Variants in FHIT observed in about 807,000 individuals in gnomAD.
The protein encoded by FHIT is fragile histidine triad diadenosine triphosphatase.
A neutral mutation model predicts 17.9 loss-of-function variants in FHIT; 19 were observed. The observed-to-expected ratio is 1.06, with a 90% CI of 0.74 to 1.56. The LOEUF (loss-of-function observed/expected upper bound fraction) is 1.56, where lower values mean the gene tolerates loss of function less well. FHIT is among the 40% of genes most tolerant of loss of function. The probability of loss-of-function intolerance (pLI) is 0.00; values close to 1 mark genes in which losing one functional copy is unlikely to be tolerated. For missense variants in FHIT, 248 were observed against 189.2 expected (o/e 1.31, Z -1.82); for synonymous variants, 81 against 69.7 (o/e 1.16, Z -0.81).
chr3:59,934,994 T>A (rs1706162542), intron 7 of FHIT, among the ~76,000 whole-genome samples: 1 of 152,090 alleles, frequency 6.6e-6, no homozygotes, highest in African/African-American at 2.4e-5. Flanking sequence ...CCAACAGCTA[T>A]AAAACCAGGA....
At chr3:60,524,197 GACACACACACACAC>G (rs56975783) in intron 5 of FHIT, among the ~76,000 whole-genome samples, 19,546 of 144,962 alleles carry the variant, frequency 0.13, 1,560 homozygotes, top group East Asian at 0.26. Flanking sequence ...GTCAGCCTGA[GACACACACACACAC>G]ACACACACAC....
At chr3:60,976,828 T>C (rs1710276479) in intron 3 of FHIT, among the ~76,000 whole-genome samples, 1 of 152,128 alleles carries the variant, frequency 6.6e-6, no homozygotes, top group African/African-American at 2.4e-5. Flanking sequence ...AGCAAAGAAA[T>C]GTTTCCTCTC....
intron 5 of FHIT, among the ~76,000 whole-genome samples, chr3:60,058,216 C>T (rs9843548): frequency 0.054 from 7,606 of 142,088 alleles, 349 homozygotes; most frequent in African/African-American, 0.13. Flanking sequence ...TCGATCTCGG[C>T]TCACTGCAAT....
chr3:60,118,983 T>C (rs1159472609), intron 5 of FHIT, among the ~76,000 whole-genome samples: 2 of 150,936 alleles, frequency 1.3e-5, no homozygotes, highest in African/African-American at 4.9e-5. Flanking sequence ...ATGCTGCCAC[T>C]GCACTCCAGC....
chr3:60,901,630 G>C (rs1575664523), intron 3 of FHIT, among the ~76,000 whole-genome samples: 1 of 152,306 alleles, frequency 6.6e-6, no homozygotes, highest in East Asian at 1.9e-4. Flanking sequence ...CCAAGTAGCA[G>C]TAACAACTAA....
intron 3 of FHIT, among the ~76,000 whole-genome samples, chr3:60,877,050 T>G (rs1704697906): frequency 6.6e-6 from 1 of 152,084 alleles, no homozygotes; most frequent in Admixed American, 6.6e-5. Flanking sequence ...ACTACTGGAG[T>G]CCTTGTAGTC....
intron 4 of FHIT, among the ~76,000 whole-genome samples, chr3:60,547,696 A>G (rs900553026): frequency 3.3e-5 from 5 of 152,202 alleles, no homozygotes; most frequent in Admixed American, 6.5e-5. Context: ...AGCTGGTAGC[A>G]TAACACTTTT....
intron 5 of FHIT, among the ~76,000 whole-genome samples, chr3:60,354,449 A>G (rs1699557892): frequency 6.6e-6 from 1 of 152,150 alleles, no homozygotes; most frequent in Non-Finnish European, 1.5e-5. Flanking sequence ...AGGTTCTGAT[A>G]TAAGATGATT....
At chr3:59,842,899 AAT>A (rs1168142140) in intron 8 of FHIT, among the ~76,000 whole-genome samples, 1 of 151,294 alleles carries the variant, frequency 6.6e-6, no homozygotes, top group African/African-American at 2.4e-5. Context: ...GATGTACAAA[AAT>A]GTTTTTCATT....
chr3:60,074,607 T>C (rs1702924164), intron 5 of FHIT, among the ~76,000 whole-genome samples: 1 of 151,822 alleles, frequency 6.6e-6, no homozygotes, highest in Admixed American at 6.6e-5. Flanking sequence ...AGAGACACAT[T>C]ATCACTGAGG....
At chr3:60,229,820 G>T (rs746144388) in intron 5 of FHIT, among the ~76,000 whole-genome samples, 1 of 152,094 alleles carries the variant, frequency 6.6e-6, no homozygotes, top group Admixed American at 6.6e-5. Flanking sequence ...TCTCTAAAAG[G>T]ACTTTTTTAA....
intron 8 of FHIT, among the ~76,000 whole-genome samples, chr3:59,824,827 C>T (rs557262552): frequency 2.0e-5 from 3 of 152,228 alleles, no homozygotes; most frequent in African/African-American, 4.8e-5. Context: ...TCCTCTCTCT[C>T]GGCCTCTTTT....
chr3:61,008,316 C>G (rs1340392616), intron 3 of FHIT, among the ~76,000 whole-genome samples: 1 of 152,068 alleles, frequency 6.6e-6, no homozygotes, highest in East Asian at 1.9e-4. Flanking sequence ...AAAAGAAGTT[C>G]CTAAGATCTA....
intron 3 of FHIT, among the ~76,000 whole-genome samples, chr3:60,938,231 T>G (rs1708271479): frequency 6.6e-6 from 1 of 151,772 alleles, no homozygotes; most frequent in African/African-American, 2.4e-5. Flanking sequence ...AGGGGCAGAG[T>G]CCAAATAGGA....
At chr3:60,299,006 C>G (rs902046243) in intron 5 of FHIT, among the ~76,000 whole-genome samples, 5 of 152,116 alleles carry the variant, frequency 3.3e-5, no homozygotes, top group African/African-American at 1.2e-4. Flanking sequence ...AATCAAATTA[C>G]TGTGGCATGT....
At chr3:60,315,872 C>A (rs1452973131) in intron 5 of FHIT, among the ~76,000 whole-genome samples, 1 of 152,120 alleles carries the variant, frequency 6.6e-6, no homozygotes, top group Non-Finnish European at 1.5e-5. Context: ...AGTTCATATT[C>A]CAACTACTCA....
intron 5 of FHIT, among the ~76,000 whole-genome samples, chr3:60,372,522 C>A (rs186085873): frequency 3.0e-4 from 46 of 152,294 alleles, no homozygotes; most frequent in African/African-American, 1.1e-3. Context: ...GAATCTCCAA[C>A]ACATGCCCAC....
chr3:59,748,725 G>A lies in FHIT; in HGVS notation c.*860C>T. ...AGGGCAGTACACAGACTAAGAGAAT[G>A]GCCTTTAGGGTGGGACTGCCTGGAT... is the stretch of plus-strand genomic sequence containing the variant. On this transcript the variant is annotated 3_prime_UTR_variant, in exon 10 of 10. Transcript: ENST00000492590. 6.6e-6 allele frequency among the ~76,000 whole-genome samples: 1 copy of A among 152,106 alleles called. No homozygotes were observed. Among genetic ancestry groups the A allele is most frequent in the East Asian group, 1.9e-4 (1 of 5,174 alleles).
chr3:60,521,531 G>A (rs1196161198), intron 5 of FHIT, among the ~76,000 whole-genome samples: 5 of 152,156 alleles, frequency 3.3e-5, no homozygotes, highest in African/African-American at 9.7e-5. Flanking sequence ...ACAGGCATGA[G>A]CCACTGTGCC....
Sources: gnomAD v4.1 joint callset for allele counts (sites outside exome capture counted in the v4.1 genomes callset) on GRCh38, gnomAD v4.1.1 for gene constraint, MANE v1.5 for transcripts, NCBI Gene and HGNC (gene_info 2026-07-23, HGNC 2026-07-21) for gene names.